Variants in DONSON observed in about 807,000 individuals in gnomAD.
DONSON encodes the protein DNA replication fork stabilization factor DONSON.
A neutral mutation model predicts 62.1 loss-of-function variants in DONSON; 43 were observed. The ratio of observed to expected loss-of-function variants is 0.69; its 90% CI spans 0.54 to 0.89. The LOEUF is 0.89. DONSON is among the 40% of genes least tolerant of loss of function. The pLI, the probability that DONSON is intolerant of heterozygous loss-of-function variation, is 0.00. For missense variants in DONSON, 696 were observed against 697.5 expected (o/e 1.00, Z 0.03); for synonymous variants, 266 against 264.6 (o/e 1.01, Z -0.05).
rs2086443508 is a variant in DONSON at position 33,577,668 on chromosome 21, CACACACACACA to C, written c.*628_*638del. 9.8e-6 allele frequency: 1 copy of C among 102,138 alleles called. No individual in the cohort carries two copies. Among genetic ancestry groups the C allele is most frequent in the South Asian group, 3.1e-4 (1 of 3,188 alleles). 6.3% of individuals were successfully genotyped at this position (102,138 alleles called of 1,614,324 possible). On this transcript the variant is annotated 3_prime_UTR_variant, in exon 10 of 10. Coordinates refer to ENST00000303071, the MANE Select transcript of DONSON (RefSeq NM_017613.4). ...ACACACACACACACACACACACACA[CACACACACACA>C]CACACACACACACACACACACACCC...
intron 4 of DONSON, 86 bp from the exon 5 acceptor site, chr21:33,583,752 T>C: frequency 1.8e-5 from 19 of 1,066,236 alleles, no homozygotes; most frequent in Non-Finnish European, 2.4e-5. Context: ...TGATACCTGG[T>C]TTAAAACACA....
At chr21:33,582,342 T>C (rs2086522452) in intron 5 of DONSON, 96 bp from the exon 6 acceptor site, 2 of 972,718 alleles carry the variant, frequency 2.1e-6, no homozygotes, top group African/African-American at 1.6e-5. Context: ...ATGTTAGTTT[T>C]TACAAATGAT....
Position 33,588,363 on chromosome 21 carries a change from G to T in DONSON, c.279C>A (p.Pro93=). 1 of 1,291,868 alleles carries T rather than the reference G, an allele frequency of 7.7e-7. No homozygotes were observed. The highest frequency in any genetic ancestry group is 2.7e-5 in the South Asian group (1 of 36,724). 80.0% of individuals were successfully genotyped at this position (1,291,868 alleles called of 1,614,324 possible). ...GCTGCTCGCGGGCCGGCCCGTCGGG[G>T]GGCTCCGCGGCGACCCGCGGTCGGT... is the stretch of plus-strand genomic sequence containing the variant. ...LDNRPRVAAE[P]PDGPAREQPE... Residue 93 remains proline, a synonymous_variant, in exon 1 of 10, where the codon CCC becomes CCA. Coordinates refer to ENST00000303071, the MANE Select transcript of DONSON (RefSeq NM_017613.4).
Position 33,588,523 on chromosome 21 carries a change from G to A in DONSON, c.119C>T (p.Thr40Met), listed in dbSNP as rs1332006642. The A allele has an allele frequency of 1.7e-5, 21 of 1,252,338 alleles. No homozygotes were observed. The highest frequency in any genetic ancestry group is 1.7e-5 in the Non-Finnish European group (17 of 999,024). The allele number at this position is 1,252,338 out of a possible 1,614,324, so 77.6% of individuals were successfully genotyped here. A position where few individuals can be genotyped will look rare whatever the true frequency, so the allele number is the denominator to read the frequency against. ...GAAASPPREL[T>M]EPAARRAALV... ...GGCGGCTCGGCGGGCCGCCGGCTCC[G>A]TCAGCTCACGGGGCGGGGAGGCGGC... The change falls in exon 1 of 10, where the codon ACG becomes ATG. Residue 40 changes from threonine (T) to methionine (M), a missense_variant. Physicochemically the swap from Thr to Met is moderately conservative, Grantham distance 81. Transcript: ENST00000303071.
At position 33,588,662 on chromosome 21, in the gene DONSON, A is replaced by G; in HGVS notation, c.-21T>C. 1 of 1,229,802 alleles carries G rather than the reference A, an allele frequency of 8.1e-7. No homozygotes were observed. The highest frequency in any genetic ancestry group is 1.6e-5 in the African/African-American group (1 of 64,046). 76.2% of individuals were successfully genotyped at this position (1,229,802 alleles called of 1,614,324 possible). ...GCCATGACGCGCGGCGGCTGAGGGT[A>G]GCCGGCCGCCCTACAGAGACTTCCC... On this transcript the variant is annotated 5_prime_UTR_variant, in exon 1 of 10. Transcript: ENST00000303071.
rs201487323 is a variant in DONSON, at chr21:33,579,351, A to G, written c.1562T>C (p.Met521Thr). ...GTCTGCTCATAGGTGTCTACTTACC[A>G]TATCAAGTACTTTGTCCATTTGCAG... The part of the protein sequence containing the change: ...ICLQMDKVLD[M>T]EVVHKELTNC... Residue 521 changes from methionine to threonine, a missense_variant and splice_region_variant, in exon 9 of 10, where the codon ATG (methionine) becomes ACG (threonine). Physicochemically the swap from Met to Thr is moderately conservative, Grantham distance 81. Transcript: ENST00000303071. 8 of 1,594,012 alleles carry G rather than the reference A, an allele frequency of 5.0e-6. No individual in the cohort carries two copies. The highest frequency in any genetic ancestry group is 1.3e-5 in the African/African-American group (1 of 74,666).
chr21:33,579,334 A>G lies in DONSON; in HGVS notation c.1563+16T>C. On this transcript the variant is annotated intron_variant, in intron 9 of 9. Transcript: ENST00000303071. The stretch of plus-strand genomic sequence containing the variant: ...AAACTACAACTAAAACAGTCTGCTC[A>G]TAGGTGTCTACTTACCATATCAAGT... 1 of 1,560,284 alleles carries G rather than the reference A, an allele frequency of 6.4e-7. No homozygotes were observed. Among genetic ancestry groups the G allele is most frequent in the Non-Finnish European group, 8.7e-7 (1 of 1,147,248 alleles).
rs762016125 is a variant in DONSON, at chr21:33,579,389, T to G, written c.1524A>C (p.Val508=). Residue 508 remains valine (V), a synonymous_variant, in exon 9 of 10, where the codon GTA becomes GTC. Transcript: ENST00000303071. ...TGTCCATTTGCAGGCAGATGTTAAA[T>G]ACAGCAGTTGGCTCGTGTGGATACA... is the stretch of plus-strand genomic sequence containing the variant. The part of the protein sequence containing the change: ...AVLYPHEPTA[V]FNICLQMDKV... The G allele has an allele frequency of 1.2e-6, 2 of 1,611,708 alleles. No individual in the cohort carries two copies. The highest frequency in any genetic ancestry group is 1.7e-5 in the Admixed American group (1 of 59,916).
chr21:33,582,327 T>G (rs936937049), intron 5 of DONSON, 81 bp from the exon 6 acceptor site: 34 of 1,183,850 alleles, frequency 2.9e-5, no homozygotes, highest in South Asian at 1.2e-4. Context: ...TGTAAAAAAT[T>G]TGAAATGTTA....
chr21:33,585,196 G>A (rs1388426077), intron 3 of DONSON, among the ~76,000 whole-genome samples: 2 of 151,824 alleles, frequency 1.3e-5, no homozygotes, highest in African/African-American at 2.4e-5. Context: ...CCTTTTTCAG[G>A]GTAATCCTTT....
Position 33,588,306 on chromosome 21 carries a change from C to G in DONSON, c.321+15G>C. The G allele has an allele frequency of 7.9e-7, 1 of 1,272,208 alleles. No homozygotes were observed. The highest frequency in any genetic ancestry group is 9.9e-7 in the Non-Finnish European group (1 of 1,011,684). 78.8% of individuals were successfully genotyped at this position (1,272,208 alleles called of 1,614,324 possible). A position where few individuals can be genotyped will look rare whatever the true frequency, so the allele number is the denominator to read the frequency against. ...AGACAAGAGCCCCTTGGCGGCCAGG[C>G]TACAAGACACTCACCGGGACCGGGG... On this transcript the variant is annotated intron_variant, in intron 1 of 9. Transcript: ENST00000303071.
chr21:33,588,506 G>C lies in DONSON; in HGVS notation c.136C>G (p.Arg46Gly). ...PRELTEPAAR[R>G]AALVAGLPLR... ...GGCAGCCCCGCCACCAGGGCGGCTC[G>C]GCGGGCCGCCGGCTCCGTCAGCTCA... The change falls in exon 1 of 10, where the codon CGA becomes GGA. Residue 46 changes from arginine (R) to glycine (G), a missense_variant. Physicochemically the swap from Arg to Gly is moderately radical, Grantham distance 125. Coordinates refer to ENST00000303071, the MANE Select transcript of DONSON (RefSeq NM_017613.4). The C allele has an allele frequency of 8.0e-7, 1 of 1,253,620 alleles. No individual in the cohort carries two copies. Among genetic ancestry groups the C allele is most frequent in the Non-Finnish European group, 1.0e-6 (1 of 999,638 alleles). 77.7% of individuals were successfully genotyped at this position (1,253,620 alleles called of 1,614,324 possible). A position where few individuals can be genotyped will look rare whatever the true frequency, so the allele number is the denominator to read the frequency against.
chr21:33,584,084 G>A (rs1488796032), intron 4 of DONSON, among the ~76,000 whole-genome samples: 2 of 134,296 alleles, frequency 1.5e-5, no homozygotes, highest in Non-Finnish European at 3.1e-5. Flanking sequence ...TCGCTCTGTC[G>A]CCCAGGCTGG....
In DONSON at chr21:33,582,134, T is replaced by C. The variant is rs753371688; in HGVS notation, c.1046+31A>G. 4 of 1,612,184 alleles carry C rather than the reference T, an allele frequency of 2.5e-6. No homozygotes were observed. In the East Asian group the frequency reaches 8.9e-5, roughly 36 times the overall value. On this transcript the variant is annotated intron_variant, in intron 6 of 9. Transcript: ENST00000303071. ...TCTATTTCATGAGTCCATAAGTCAG[T>C]GGATGATATAAAGTTATTTTAATCA...
intron 2 of DONSON, chr21:33,587,295 T>C: frequency 1.1e-6 from 1 of 927,666 alleles, no homozygotes; most frequent in Non-Finnish European, 1.3e-6. Context: ...AGGCCTATTT[T>C]AGCGCTGGCT....
At position 33,588,342 on chromosome 21, in the gene DONSON, C is replaced by T. The variant is rs986537588; in HGVS notation, c.300G>A (p.Glu100=). 5.4e-6 allele frequency: 7 copies of T among 1,295,082 alleles called. No homozygotes were observed. Among genetic ancestry groups the T allele is most frequent in the African/African-American group, 1.5e-5 (1 of 65,432 alleles). The allele number at this position is 1,295,082 out of a possible 1,614,324, so 80.2% of individuals were successfully genotyped here. ...AAEPPDGPAR[E]QPEAPVPFLD... ...TCACCGGGACCGGGGCCTCCGGCTG[C>T]TCGCGGGCCGGCCCGTCGGGGGGCT... Residue 100 remains glutamate, a synonymous_variant, in exon 1 of 10, where the codon GAG becomes GAA. Coordinates refer to ENST00000303071, the MANE Select transcript of DONSON (RefSeq NM_017613.4).
At position 33,588,560 on chromosome 21, in the gene DONSON, T is replaced by G. The variant is rs768071555; in HGVS notation, c.82A>C (p.Ser28Arg). 9.1e-4 allele frequency: 1,134 copies of G among 1,252,790 alleles called. 1 individual carries two copies. Among genetic ancestry groups the G allele is most frequent in the Middle Eastern group, 3.7e-3 (12 of 3,256 alleles). 77.6% of individuals were successfully genotyped at this position (1,252,790 alleles called of 1,614,324 possible). Residue 28 changes from serine to arginine, a missense_variant, in exon 1 of 10, where the codon AGC (serine) becomes CGC (arginine). Transcript: ENST00000303071. ...GGCGGGGAGGCGGCAGCTCCACGGC[T>G]CCGGGCCCTTTTCCGTCGGAGCCGC... is the stretch of plus-strand genomic sequence containing the variant. ...VVRLRRKRAR[S>R]RGAAASPPRE...
In DONSON at chr21:33,578,102, T is replaced by A; in HGVS notation, c.*205A>T. The A allele has an allele frequency of 2.0e-6, 1 of 512,780 alleles. No individual in the cohort carries two copies. The highest frequency in any genetic ancestry group is 3.4e-6 in the Non-Finnish European group (1 of 295,780). 31.8% of individuals were successfully genotyped at this position (512,780 alleles called of 1,614,324 possible). A position where few individuals can be genotyped will look rare whatever the true frequency, so the allele number is the denominator to read the frequency against. On this transcript the variant is annotated 3_prime_UTR_variant, in exon 10 of 10. Transcript: ENST00000303071. ...CAATTAGGTTGTAGGGATATAGATATCTCATTTGAGTTATCTGAGTTTTTC... is the reference window on the plus strand; with the variant it reads ...CAATTAGGTTGTAGGGATATAGATAACTCATTTGAGTTATCTGAGTTTTTC...
rs2086605752 is a variant in DONSON at position 33,588,345 on chromosome 21, G to GCGGGC, written c.292_296dup (p.Glu100ProfsTer12). 1 of 1,294,090 alleles carries GCGGGC rather than the reference G, an allele frequency of 7.7e-7. No individual in the cohort carries two copies. The highest frequency in any genetic ancestry group is 9.8e-7 in the Non-Finnish European group (1 of 1,025,432). The allele number at this position is 1,294,090 out of a possible 1,614,324, so 80.2% of individuals were successfully genotyped here. On this transcript the variant is annotated frameshift_variant, in exon 1 of 10. Coordinates refer to ENST00000303071, the MANE Select transcript of DONSON (RefSeq NM_017613.4). LOFTEE classifies it high-confidence loss of function. ...CCGGGACCGGGGCCTCCGGCTGCTC[G>GCGGGC]CGGGCCGGCCCGTCGGGGGGCTCCG...
Sources: gnomAD v4.1 joint callset for allele counts (sites outside exome capture counted in the v4.1 genomes callset) on GRCh38, gnomAD v4.1.1 for gene constraint, MANE v1.5 for transcripts, NCBI Gene and HGNC (gene_info 2026-07-23, HGNC 2026-07-21) for gene names.